Variants in MRTFA observed in about 807,000 individuals in gnomAD.
The protein encoded by MRTFA is myocardin-related transcription factor A.
MRTFA carries 20 observed loss-of-function variants against 83.5 expected under a neutral mutation model. The observed-to-expected ratio is 0.24, with a 90% CI of 0.17 to 0.35. The LOEUF is 0.35. MRTFA is among the 10% of genes least tolerant of loss of function. The probability of loss-of-function intolerance (pLI) is 1.00; values close to 1 mark genes in which losing one functional copy is unlikely to be tolerated. For synonymous variants in MRTFA, 659 were observed against 541.2 expected (o/e 1.22, Z -3.02); for missense variants, 1,200 against 1,224.7 (o/e 0.98, Z 0.30).
chr22:40,619,688 G>A (rs1276453439), intron 1 of MRTFA, among the ~76,000 whole-genome samples: 1 of 151,878 alleles, frequency 6.6e-6, no homozygotes, highest in Non-Finnish European at 1.5e-5. Flanking sequence ...AGGAGATCGA[G>A]ACCATCCTGG....
chr22:40,586,739 T>C, intron 2 of MRTFA: 1 of 292,948 alleles, frequency 3.4e-6, no homozygotes, highest in Non-Finnish European at 6.7e-6. Flanking sequence ...TAGGTTTTTT[T>C]TTCAGCTACT....
At chr22:40,525,896 A>T (rs1444902936) in intron 3 of MRTFA, among the ~76,000 whole-genome samples, 1 of 152,248 alleles carries the variant, frequency 6.6e-6, no homozygotes, top group Non-Finnish European at 1.5e-5. Flanking sequence ...TTCTACGAAG[A>T]GACAGCCACA....
chr22:40,559,257 G>GCAGA (rs1470245086), intron 2 of MRTFA, among the ~76,000 whole-genome samples: 1 of 152,068 alleles, frequency 6.6e-6, no homozygotes, highest in East Asian at 1.9e-4. Context: ...ATGGTGGTGT[G>GCAGA]CGTCTGCAGT....
intron 4 of MRTFA, among the ~76,000 whole-genome samples, chr22:40,452,260 T>C (rs1458343099): frequency 6.6e-6 from 1 of 152,142 alleles, no homozygotes; most frequent in Admixed American, 6.5e-5. Context: ...CTGGGATTAC[T>C]GGCATAAGCT....
intron 12 of MRTFA, 142 bp from the exon 13 acceptor site, chr22:40,417,635 T>G: frequency 1.5e-5 from 9 of 620,504 alleles, no homozygotes; most frequent in Non-Finnish European, 1.1e-5. Flanking sequence ...TTTAGGGAGC[T>G]TTCATGAAAG....
chr22:40,595,845 C>A (rs1331009539), intron 1 of MRTFA, among the ~76,000 whole-genome samples: 1 of 139,020 alleles, frequency 7.2e-6, no homozygotes, highest in African/African-American at 2.6e-5. Flanking sequence ...GAGACAGAAT[C>A]AATGGTATAT....
At chr22:40,602,456 C>T (rs992650081) in intron 1 of MRTFA, among the ~76,000 whole-genome samples, 4 of 152,090 alleles carry the variant, frequency 2.6e-5, no homozygotes, top group African/African-American at 9.7e-5. Flanking sequence ...ACAGAAGAAT[C>T]GTGGTGATTC....
chr22:40,630,363 A>C (rs2147451224), intron 1 of MRTFA, among the ~76,000 whole-genome samples: 1 of 152,258 alleles, frequency 6.6e-6, no homozygotes, highest in African/African-American at 2.4e-5. Context: ...TGGGTGTGGT[A>C]GCTGGATGAC....
At chr22:40,592,492 CTTTTTTTTT>C in intron 2 of MRTFA, among the ~76,000 whole-genome samples, 1 of 130,070 alleles carries the variant, frequency 7.7e-6, no homozygotes, top group Non-Finnish European at 1.7e-5. Context: ...TTTTTTTTTT[CTTTTTTTTT>C]TTTTGGAGAC....
At position 40,416,849 on chromosome 22, in the gene MRTFA, A is replaced by T; in HGVS notation, c.2578+137T>A. The T allele has an allele frequency of 1.2e-6, 1 of 806,430 alleles. No homozygotes were observed. Among genetic ancestry groups the T allele is most frequent in the Non-Finnish European group, 2.0e-6 (1 of 503,358 alleles). 50.0% of individuals were successfully genotyped at this position (806,430 alleles called of 1,614,324 possible). On this transcript the variant is annotated intron_variant, in intron 14 of 14. Coordinates refer to ENST00000355630, the MANE Select transcript of MRTFA (RefSeq NM_020831.6). The surrounding 1 kb of genome is among the most constrained non-coding windows in gnomAD (Gnocchi z 4.2). ...AGGCCTTGGAGACGGGAGGGCTCAC[A>T]GCCACCACTGCATCCACAGTGCTTG...
chr22:40,439,708 G>T (rs915257910), intron 4 of MRTFA, among the ~76,000 whole-genome samples: 1 of 152,090 alleles, frequency 6.6e-6, no homozygotes, highest in Non-Finnish European at 1.5e-5. Flanking sequence ...ACCTGTCTGA[G>T]GGGCCCCAGG....
chr22:40,498,252 C>CATATATATATATATATATATATATAT (rs200779719), intron 3 of MRTFA, among the ~76,000 whole-genome samples: 2 of 77,534 alleles, frequency 2.6e-5, no homozygotes, highest in African/African-American at 1.2e-4. Context: ...GTACACACTT[C>CATATATATATATATATATATATATAT]ATATATATAT....
chr22:40,459,810 C>CAA (rs2053666244), intron 4 of MRTFA, among the ~76,000 whole-genome samples: 1 of 115,084 alleles, frequency 8.7e-6, no homozygotes, highest in Non-Finnish European at 1.7e-5. Context: ...CACACACACA[C>CAA]ACACACACAC....
chr22:40,420,041 C>A (rs939530657), intron 11 of MRTFA, among the ~76,000 whole-genome samples: 3 of 152,270 alleles, frequency 2.0e-5, no homozygotes, highest in African/African-American at 7.2e-5. Flanking sequence ...GCTCCTCCTC[C>A]TGTCACTGCC....
chr22:40,582,663 CAT>C (rs1217189378), intron 2 of MRTFA, among the ~76,000 whole-genome samples: 2 of 142,466 alleles, frequency 1.4e-5, no homozygotes, highest in African/African-American at 2.8e-5. Flanking sequence ...TTTATACACA[CAT>C]ACACACACAC....
chr22:40,534,568 C>T lies in MRTFA; in HGVS notation c.241+17538G>A, dbSNP rs140897093. Among the ~76,000 whole-genome samples, 1,147 of 152,364 alleles carry T rather than the reference C, an allele frequency of 7.5e-3. 6 individuals carry two copies. Among genetic ancestry groups the T allele is most frequent in the Non-Finnish European group, 0.013 (866 of 68,034 alleles). On this transcript the variant is annotated intron_variant, in intron 3 of 14. Transcript: ENST00000355630. ...CTTCCAGGCTCAAGTGCTCCTCCCA[C>T]CTCAGCCTCCTGAGTAGCTGGTCTC...
At chr22:40,529,548 C>A (rs2055039046) in intron 3 of MRTFA, among the ~76,000 whole-genome samples, 1 of 152,186 alleles carries the variant, frequency 6.6e-6, no homozygotes, top group African/African-American at 2.4e-5. Flanking sequence ...AACTCCTGAC[C>A]TCAAGTGATT....
intron 4 of MRTFA, among the ~76,000 whole-genome samples, chr22:40,442,713 A>G (rs1239658066): frequency 1.3e-5 from 2 of 152,194 alleles, no homozygotes; most frequent in African/African-American, 4.8e-5. Flanking sequence ...AAGGTGCTGT[A>G]AAGGACAAAA....
At chr22:40,478,546 T>C (rs2054036305) in intron 3 of MRTFA, among the ~76,000 whole-genome samples, 1 of 152,178 alleles carries the variant, frequency 6.6e-6, no homozygotes, top group Non-Finnish European at 1.5e-5. Flanking sequence ...ACTGTTTTCC[T>C]TTCTCTTTCC....
Sources: allele counts gnomAD v4.1 joint callset (sites outside exome capture counted in the v4.1 genomes callset), GRCh38; gene constraint gnomAD v4.1.1; non-coding constraint Gnocchi (gnomAD v3.1); transcripts MANE v1.5; gene names NCBI Gene and HGNC (gene_info 2026-07-23, HGNC 2026-07-21).